Variants in E4F1 observed in about 807,000 individuals in gnomAD.
E4F1 encodes E4F transcription factor 1.
In E4F1, 30 loss-of-function variants were observed where a neutral mutation model predicts 72.9. That is an observed-to-expected ratio of 0.41 (90% confidence interval 0.31 to 0.56). E4F1 has a LOEUF of 0.56. E4F1 is among the 20% of genes least tolerant of loss of function. The pLI is 0.25. For synonymous variants in E4F1, 542 were observed against 478.2 expected (o/e 1.13, Z -1.74); for missense variants, 1,091 against 1,117.5 (o/e 0.98, Z 0.34).
intron 13 of E4F1, 32 bp downstream of exon 13, chr16:2,235,175 C>T: frequency 6.2e-7 from 1 of 1,610,528 alleles, no homozygotes; most frequent in Non-Finnish European, 8.5e-7. Context: ...GGCGGGGAGG[C>T]TCCCTGGCAC....
Position 2,235,239 on chromosome 16 carries a change from G to A in E4F1, c.2022G>A (p.Val674=), listed in dbSNP as rs532995496. 2 of 1,610,190 alleles carry A rather than the reference G, an allele frequency of 1.2e-6. No homozygotes were observed. Among genetic ancestry groups the A allele is most frequent in the African/African-American group, 1.3e-5 (1 of 75,040 alleles). The change falls in exon 14 of 14, where the codon GTG becomes GTA. Residue 674 remains valine (V), a synonymous_variant. Coordinates refer to ENST00000301727, the MANE Select transcript of E4F1 (RefSeq NM_004424.5). ...QTEVDSHIMK[V]VQQIVHQASA... is the part of the protein sequence containing the mutation. ...AGGTGGACAGCCACATCATGAAGGT[G>A]GTGCAGCAGATCGTGCACCAGGCTA...
chr16:2,228,218 G>A (rs2093443544), intron 1 of E4F1, 154 bp from the exon 2 acceptor site: 1 of 1,010,806 alleles, frequency 9.9e-7, no homozygotes, highest in Non-Finnish European at 1.5e-6. Flanking sequence ...ACCTTGTTTT[G>A]GGCCCGAGTG....
rs550403405 is a variant in E4F1 at position 2,234,774 on chromosome 16, C to T, written c.1785C>T (p.Arg595=). The change falls in exon 11 of 14, where the codon CGC becomes CGT. Residue 595 remains arginine, a synonymous_variant. Coordinates refer to ENST00000301727, the MANE Select transcript of E4F1 (RefSeq NM_004424.5). ...AEHGTLNRHL[R]TKGGCLLEVE... Reference sequence around the variant, plus strand: ...ACGGCACGCTGAACCGGCACCTGCGCACCAAAGGTCTGGGCCGGTGGAGGT... The same window carrying T: ...ACGGCACGCTGAACCGGCACCTGCGTACCAAAGGTCTGGGCCGGTGGAGGT... 1.3e-6 allele frequency: 2 copies of T among 1,547,386 alleles called. No individual in the cohort carries two copies. The highest frequency in any genetic ancestry group is 2.4e-5 in the East Asian group (1 of 40,912).
intron 8 of E4F1, 110 bp from the exon 9 acceptor site, chr16:2,233,772 T>C: frequency 7.0e-7 from 1 of 1,419,842 alleles, no homozygotes; most frequent in African/African-American, 1.4e-5. Flanking sequence ...GTTTACTGCC[T>C]TCCCTGGGGC....
chr16:2,227,779 G>C (rs1251781099), intron 1 of E4F1, among the ~76,000 whole-genome samples: 1 of 151,792 alleles, frequency 6.6e-6, no homozygotes, highest in African/African-American at 2.4e-5. Flanking sequence ...GGGATTACAG[G>C]TGTGAGCCAC....
chr16:2,229,877 G>A (rs2093456526), intron 3 of E4F1: 2 of 571,428 alleles, frequency 3.5e-6, no homozygotes, highest in East Asian at 5.9e-5. Context: ...GGTGTCCACA[G>A]TGGCCGGGGG....
At chr16:2,231,668 G>C (rs1044690175) in intron 3 of E4F1, 1 of 158,028 alleles carries the variant, frequency 6.3e-6, no homozygotes, top group African/African-American at 2.4e-5. Flanking sequence ...CACTCTCCCA[G>C]GCCAAGCCTG....
In E4F1 at chr16:2,235,387, G is replaced by A; in HGVS notation, c.2170G>A (p.Ala724Thr). Reference protein sequence around the residue: ...ATPESLTEQVAMTLASAISEG... With the variant: ...ATPESLTEQVTMTLASAISEG... ...CCCCGAGAGCCTGACAGAGCAGGTG[G>A]CCATGACGCTGGCCTCGGCCATCAG... is the stretch of plus-strand genomic sequence containing the variant. Residue 724 changes from alanine to threonine, a missense_variant, in exon 14 of 14, where the codon GCC (alanine) becomes ACC (threonine). By Grantham distance (58) the Ala-to-Thr change is moderately conservative. Coordinates refer to ENST00000301727, the MANE Select transcript of E4F1 (RefSeq NM_004424.5). 6.2e-7 allele frequency: 1 copy of A among 1,611,026 alleles called. No homozygotes were observed. Among genetic ancestry groups the A allele is most frequent in the Non-Finnish European group, 8.5e-7 (1 of 1,179,916 alleles).
rs1344417920 is a variant in E4F1 at position 2,234,915 on chromosome 16, G to C, written c.1849G>C (p.Ala617Pro). 6.4e-7 allele frequency: 1 copy of C among 1,555,342 alleles called. No individual in the cohort carries two copies. The highest frequency in any genetic ancestry group is 1.2e-5 in the South Asian group (1 of 84,838). Residue 617 changes from alanine (A) to proline (P), a missense_variant, in exon 12 of 14, where the codon GCC (alanine) becomes CCC (proline). Transcript: ENST00000301727. Reference sequence around the variant, plus strand: ...GGTGTCTGAGGACAGCCCCGCGGCAGCCACCACCGTCCTCACGGAAGACCC... The same window carrying C: ...GGTGTCTGAGGACAGCCCCGCGGCACCCACCACCGTCCTCACGGAAGACCC... ...LLVSEDSPAA[A>P]TTVLTEDPHT...
At chr16:2,229,421 C>A in intron 2 of E4F1, 149 bp from the exon 3 acceptor site, 1 of 742,228 alleles carries the variant, frequency 1.3e-6, no homozygotes, top group Admixed American at 2.3e-5. Context: ...GGAGAGCCCC[C>A]ACCCCAGCCG....
In E4F1 at chr16:2,235,061, CCTT is replaced by C. The variant is rs1487376254; in HGVS notation, c.1936-17_1936-15del. ...AGGGGCAGCCAAGGCTGACCTCTGTCCTTCTGCCCATCTGCCCAGGCCACTGCG... is the reference window on the plus strand; with the variant it reads ...AGGGGCAGCCAAGGCTGACCTCTGTCCTGCCCATCTGCCCAGGCCACTGCG... On this transcript the variant is annotated splice_polypyrimidine_tract_variant and intron_variant, in intron 12 of 13. Transcript: ENST00000301727. 9 of 1,612,254 alleles carry C rather than the reference CCTT, an allele frequency of 5.6e-6. No homozygotes were observed. The highest frequency in any genetic ancestry group is 1.3e-5 in the African/African-American group (1 of 74,932).
At chr16:2,228,902 G>C (rs564766796) in intron 2 of E4F1, among the ~76,000 whole-genome samples, 10 of 152,284 alleles carry the variant, frequency 6.6e-5, no homozygotes, top group African/African-American at 2.4e-4. Flanking sequence ...GTGTGGCCCT[G>C]GGGGGTCCCG....
intron 1 of E4F1, among the ~76,000 whole-genome samples, chr16:2,228,134 G>A (rs767474828): frequency 2.6e-5 from 4 of 152,228 alleles, no homozygotes; most frequent in Non-Finnish European, 4.4e-5. Flanking sequence ...GCCACCCTCT[G>A]CTGGGTGCTG....
At chr16:2,233,232 C>A in intron 7 of E4F1, 49 bp downstream of exon 7, 3 of 1,547,610 alleles carry the variant, frequency 1.9e-6, no homozygotes, top group South Asian at 2.4e-5. Flanking sequence ...TCTGCCTGCT[C>A]GGTGCCAGTC....
At chr16:2,229,459 C>T (rs2093452754) in intron 2 of E4F1, 111 bp from the exon 3 acceptor site, 4 of 1,143,724 alleles carry the variant, frequency 3.5e-6, no homozygotes, top group Non-Finnish European at 5.1e-6. Flanking sequence ...CAGGCCTGAG[C>T]ACCACAAGTC....
At chr16:2,227,174 A>C (rs1406287534) in intron 1 of E4F1, among the ~76,000 whole-genome samples, 3 of 151,900 alleles carry the variant, frequency 2.0e-5, no homozygotes, top group Non-Finnish European at 2.9e-5. Context: ...CTACAGGTGC[A>C]TGCCGCCACA....
intron 3 of E4F1, chr16:2,231,421 C>T (rs2093467173): frequency 6.6e-6 from 1 of 152,302 alleles, no homozygotes; most frequent in Non-Finnish European, 1.5e-5. Context: ...TTCTGAGTCA[C>T]CACGCTTTTG....
In E4F1 at chr16:2,232,888, G is replaced by A. The variant is rs1252158497; in HGVS notation, c.863G>A (p.Ser288Asn). The A allele has an allele frequency of 1.9e-6, 3 of 1,613,298 alleles. No homozygotes were observed. Among genetic ancestry groups the A allele is most frequent in the East Asian group, 4.5e-5 (2 of 44,900 alleles). The change falls in exon 6 of 14, where the codon AGC (serine) becomes AAC (asparagine). Residue 288 changes from serine to asparagine, a missense_variant. This residue lies in a region of E4F1 where 101 missense variants were observed against 97.4 expected (regional missense o/e 1.04). Coordinates refer to ENST00000301727, the MANE Select transcript of E4F1 (RefSeq NM_004424.5). ...RFSVSKDVVV[S>N]KEDARAGSGA... Reference sequence around the variant, plus strand: ...AGTGTGAGCAAGGACGTGGTTGTCAGCAAAGAGGACGCACGTGCAGGTCAG... The same window carrying A: ...AGTGTGAGCAAGGACGTGGTTGTCAACAAAGAGGACGCACGTGCAGGTCAG...
In E4F1 at chr16:2,234,918, A is replaced by G; in HGVS notation, c.1852A>G (p.Thr618Ala). ...LVSEDSPAAA[T>A]TVLTEDPHTV... ...GTCTGAGGACAGCCCCGCGGCAGCC[A>G]CCACCGTCCTCACGGAAGACCCGCA... Residue 618 changes from threonine to alanine, a missense_variant, in exon 12 of 14, where the codon ACC becomes GCC. This residue lies in a region of E4F1 where 622 missense variants were observed against 628.0 expected (regional missense o/e 0.99). Transcript: ENST00000301727. 6.4e-7 allele frequency: 1 copy of G among 1,556,594 alleles called. No homozygotes were observed. The highest frequency in any genetic ancestry group is 1.4e-5 in the African/African-American group (1 of 73,472).
Sources: gnomAD v4.1 joint callset for allele counts (sites outside exome capture counted in the v4.1 genomes callset) on GRCh38, gnomAD v4.1.1 for gene constraint, gnomAD v4.1.1 regional missense constraint, MANE v1.5 for transcripts, NCBI Gene and HGNC (gene_info 2026-07-23, HGNC 2026-07-21) for gene names.